The following UBFD1 variants were observed in gnomAD, a reference collection of about 807,000 sequenced individuals.
The protein encoded by UBFD1 is ubiquitin domain-containing protein UBFD1.
UBFD1 carries 12 observed loss-of-function variants against 35.1 expected under a neutral mutation model. That is an observed-to-expected ratio of 0.34 (90% CI 0.22 to 0.55). UBFD1 has a LOEUF of 0.55. Among genes scored for constraint, UBFD1 ranks in the 20% least tolerant of loss-of-function variants. UBFD1 has a pLI of 0.89. For missense variants in UBFD1, 337 were observed against 410.8 expected, an observed-to-expected ratio of 0.82 and a Z score of 1.55; for synonymous variants, 178 against 167.6, an observed-to-expected ratio of 1.06 and a Z score of -0.48.
intron 2 of UBFD1, 84 bp from the exon 3 acceptor site, chr16:23,559,384 G>T: frequency 6.4e-6 from 8 of 1,242,158 alleles, no homozygotes; most frequent in Admixed American, 2.4e-5. Flanking sequence ...TCACTTTTTG[G>T]TCTGTTACCA....
rs1966094507 is a variant in UBFD1, at chr16:23,572,188, T to C, written c.*1598T>C. On this transcript the variant is annotated 3_prime_UTR_variant, in exon 7 of 7. Coordinates refer to ENST00000395878, the MANE Select transcript of UBFD1 (RefSeq NM_019116.3). ...CTCTTGCTTTCCATGGTGTAGTCAATGCCAAGTGATGCATCTAGGCAGGAA... is the reference window on the plus strand; with the variant it reads ...CTCTTGCTTTCCATGGTGTAGTCAACGCCAAGTGATGCATCTAGGCAGGAA... The C allele has an allele frequency of 6.5e-6, 1 of 152,688 alleles. No homozygotes were observed. The highest frequency in any genetic ancestry group is 1.5e-5 in the Non-Finnish European group (1 of 68,052). The allele number at this position is 152,688 out of a possible 1,614,324, so 9.5% of individuals were successfully genotyped here. A position where few individuals can be genotyped will look rare whatever the true frequency, so the allele number is the denominator to read the frequency against.
intron 2 of UBFD1, among the ~76,000 whole-genome samples, chr16:23,558,848 T>C (rs965132498): frequency 1.2e-4 from 18 of 151,734 alleles, no homozygotes; most frequent in Non-Finnish European, 2.2e-4. Context: ...TGGCACCATC[T>C]TGGCTCACTG....
intron 5 of UBFD1, among the ~76,000 whole-genome samples, chr16:23,563,078 AT>A (rs545287840): frequency 0.092 from 12,769 of 139,100 alleles, 821 homozygotes; most frequent in African/African-American, 0.2. Context: ...CACTAATCTG[AT>A]TTTTTTTTTT....
intron 6 of UBFD1, chr16:23,568,544 G>A (rs918967711): frequency 4.0e-5 from 6 of 151,880 alleles, no homozygotes; most frequent in Non-Finnish European, 8.8e-5. Flanking sequence ...AGTTGGGCCA[G>A]GCGTGGTGGC....
Position 23,558,211 on chromosome 16 carries a change from A to G in UBFD1, c.287A>G (p.Lys96Arg), listed in dbSNP as rs1048612103. ...VDLKIIWNKT[K>R]HDVKFPLDST... is the part of the protein sequence containing the mutation. ...TTGAAGATCATCTGGAATAAGACCA[A>G]GCATGACGTGAAGTTCCCCCTGGAC... The change falls in exon 2 of 7, where the codon AAG becomes AGG. Residue 96 changes from lysine to arginine, a missense_variant. Transcript: ENST00000395878. 1.9e-6 allele frequency: 3 copies of G among 1,610,968 alleles called. No homozygotes were observed. Among genetic ancestry groups the G allele is most frequent in the Non-Finnish European group, 2.5e-6 (3 of 1,178,864 alleles).
intron 3 of UBFD1, 129 bp downstream of exon 3, chr16:23,559,805 A>G (rs1597037132): frequency 1.9e-6 from 3 of 1,547,536 alleles, no homozygotes; most frequent in Non-Finnish European, 2.6e-6. Flanking sequence ...TTATGGCAGC[A>G]GTTGGGTGCC....
intron 2 of UBFD1, chr16:23,559,053 C>T (rs112677401): frequency 0.013 from 2,002 of 153,712 alleles, 19 homozygotes; most frequent in South Asian, 0.019. Context: ...AAGCTTTCTA[C>T]ATGTAGCCTT....
At chr16:23,565,032 A>G (rs1965990440) in intron 5 of UBFD1, 1 of 152,198 alleles carries the variant, frequency 6.6e-6, no homozygotes, top group Non-Finnish European at 1.5e-5. Context: ...TTTCATTCCC[A>G]CCCATAGCAC....
chr16:23,566,045 C>T (rs187172644), intron 5 of UBFD1: 1 of 152,370 alleles, frequency 6.6e-6, no homozygotes, highest in Admixed American at 6.5e-5. Context: ...AAACTCGCCT[C>T]AATGTCTTCT....
intron 3 of UBFD1, among the ~76,000 whole-genome samples, chr16:23,560,723 A>G (rs1004221678): frequency 7.9e-5 from 12 of 152,210 alleles, no homozygotes; most frequent in Non-Finnish European, 4.4e-5. Flanking sequence ...TTTGAAAGCA[A>G]TATTATCTTT....
In UBFD1 at chr16:23,573,132, T is replaced by C. The variant is rs1474125394; in HGVS notation, c.*2542T>C. The C allele has an allele frequency of 6.6e-6, 1 of 152,256 alleles. No homozygotes were observed. The highest frequency in any genetic ancestry group is 1.5e-5 in the Non-Finnish European group (1 of 68,052). The allele number at this position is 152,256 out of a possible 1,614,324, so 9.4% of individuals were successfully genotyped here. On this transcript the variant is annotated 3_prime_UTR_variant, in exon 7 of 7. Coordinates refer to ENST00000395878, the MANE Select transcript of UBFD1 (RefSeq NM_019116.3). ...AGGTAGCGTCACAGTGGTTTTTTTT[T>C]TCCTCAGGATAATTTCTATACAATT...
intron 6 of UBFD1, chr16:23,568,759 C>G (rs190472969): frequency 6.6e-6 from 1 of 151,606 alleles, no homozygotes; most frequent in Non-Finnish European, 1.5e-5. Flanking sequence ...ACCTGGGAGG[C>G]GAAGGTTGTA....
At chr16:23,568,546 C>G (rs951746942) in intron 6 of UBFD1, 1 of 151,254 alleles carries the variant, frequency 6.6e-6, no homozygotes, top group Non-Finnish European at 1.5e-5. Flanking sequence ...TTGGGCCAGG[C>G]GTGGTGGCTC....
chr16:23,571,185 T>A lies in UBFD1; in HGVS notation c.*595T>A, dbSNP rs1209394584. On this transcript the variant is annotated 3_prime_UTR_variant, in exon 7 of 7. Transcript: ENST00000395878. ...AGTTTTTGTTTTAAGAACCCAAAGA[T>A]GTCAGTTCTTCTTTTGGTACCTCAT... The A allele has an allele frequency of 6.5e-6, 1 of 152,678 alleles. No individual in the cohort carries two copies. The highest frequency in any genetic ancestry group is 1.5e-5 in the Non-Finnish European group (1 of 68,052). 9.5% of individuals were successfully genotyped at this position (152,678 alleles called of 1,614,324 possible).
intron 5 of UBFD1, chr16:23,565,210 C>G (rs1394878524): frequency 6.6e-6 from 1 of 152,200 alleles, no homozygotes; most frequent in Admixed American, 6.5e-5. Flanking sequence ...ACCATCCCAG[C>G]AGCGAGTTGG....
chr16:23,558,275 T>C lies in UBFD1; in HGVS notation c.351T>C (p.Ile117=). ...GSELKQKIHS[I]TGLPPAMQKV... Reference sequence around the variant, plus strand: ...AGCTGAAACAGAAGATCCACTCGATTACAGGTAATTCCTGTGGCGCTGACA... The same window carrying C: ...AGCTGAAACAGAAGATCCACTCGATCACAGGTAATTCCTGTGGCGCTGACA... The change falls in exon 2 of 7, where the codon ATT becomes ATC. Residue 117 remains isoleucine (I), a synonymous_variant. Transcript: ENST00000395878. The C allele has an allele frequency of 6.3e-7, 1 of 1,596,370 alleles. No homozygotes were observed. The highest frequency in any genetic ancestry group is 2.3e-5 in the East Asian group (1 of 42,556).
chr16:23,570,404 C>T, intron 6 of UBFD1, 76 bp from the exon 7 acceptor site: 1 of 1,041,340 alleles, frequency 9.6e-7, no homozygotes, highest in Non-Finnish European at 1.5e-6. Context: ...ACATCCCAAC[C>T]CTCACCCATG....
At chr16:23,568,926 C>T (rs185282397) in intron 6 of UBFD1, 2 of 152,266 alleles carry the variant, frequency 1.3e-5, no homozygotes, top group East Asian at 3.9e-4. Context: ...GCCAGTCACA[C>T]CCTGTAGGGT....
chr16:23,559,725 C>T (rs781200703), intron 3 of UBFD1, 49 bp downstream of exon 3: 1 of 1,611,232 alleles, frequency 6.2e-7, no homozygotes, highest in Non-Finnish European at 8.5e-7. Context: ...AGGCTTTGTC[C>T]TCTTGAGCCG....
Sources: gnomAD v4.1 joint callset for allele counts (sites outside exome capture counted in the v4.1 genomes callset) on GRCh38, gnomAD v4.1.1 for gene constraint, MANE v1.5 for transcripts, NCBI Gene and HGNC (gene_info 2026-07-23, HGNC 2026-07-21) for gene names.